POLR3GL: variants seen among roughly 807,000 people sequenced by gnomAD.
The protein encoded by POLR3GL is DNA-directed RNA polymerase III subunit RPC7-like.
Under a neutral mutation model 32.4 loss-of-function variants are expected in POLR3GL, and 26 were observed. The ratio of observed to expected loss-of-function variants is 0.80; its 90% confidence interval spans 0.59 to 1.11. POLR3GL has a LOEUF of 1.11. POLR3GL is among the 50% of genes most tolerant of loss of function. The probability of loss-of-function intolerance (pLI) is 0.00; values close to 1 mark genes in which losing one functional copy is unlikely to be tolerated. For missense variants in POLR3GL, 229 were observed against 280.1 expected (o/e 0.82, Z 1.30); for synonymous variants, 95 against 98.7 (o/e 0.96, Z 0.22).
chr1:145,965,833 T>C (rs1002963907), intron 1 of POLR3GL, among the ~76,000 whole-genome samples: 4 of 152,188 alleles, frequency 2.6e-5, no homozygotes, highest in Non-Finnish European at 2.9e-5. Flanking sequence ...GAGGGAAATA[T>C]GGCTGGGCAC....
At chr1:145,972,721 CAG>C (rs782260919) in intron 1 of POLR3GL, among the ~76,000 whole-genome samples, 22 of 151,846 alleles carry the variant, frequency 1.4e-4, no homozygotes, top group Admixed American at 3.3e-4. Flanking sequence ...TTGTTTGAGA[CAG>C]AGTCTTTACT....
intron 1 of POLR3GL, among the ~76,000 whole-genome samples, chr1:145,965,851 C>T (rs1254486423): frequency 6.6e-6 from 1 of 152,196 alleles, no homozygotes; most frequent in Non-Finnish European, 1.5e-5. Context: ...CACGGTGGCT[C>T]ATGCCTGTAA....
chr1:145,968,617 G>T (rs1003953542), intron 1 of POLR3GL, among the ~76,000 whole-genome samples: 4 of 151,560 alleles, frequency 2.6e-5, no homozygotes, highest in Non-Finnish European at 4.4e-5. Context: ...TGTTGCCCAG[G>T]CTGGAGTGCA....
chr1:145,974,410 G>T (rs1047091014), intron 1 of POLR3GL, among the ~76,000 whole-genome samples: 2 of 152,282 alleles, frequency 1.3e-5, no homozygotes, highest in South Asian at 4.1e-4. Flanking sequence ...CAGCACTTTG[G>T]GAGGCTGAGG....
chr1:145,973,893 G>T (rs1650436063), intron 1 of POLR3GL, among the ~76,000 whole-genome samples: 1 of 147,716 alleles, frequency 6.8e-6, no homozygotes, highest in Admixed American at 6.8e-5. Flanking sequence ...GGTGGCTCAT[G>T]CCTGTAATCC....
Position 145,978,652 on chromosome 1 carries a change from G to A in POLR3GL, c.*205G>A, listed in dbSNP as rs1553763921. ...TATCACCTTTGCTATCTTGGGGAAA[G>A]TGCAAAGGACAAACATCTCAATTGT... On this transcript the variant is annotated 3_prime_UTR_variant, in exon 8 of 8. Coordinates refer to ENST00000369314, the MANE Select transcript of POLR3GL (RefSeq NM_032305.3). 1 of 575,138 alleles carries A rather than the reference G, an allele frequency of 1.7e-6. No individual in the cohort carries two copies. 35.6% of individuals were successfully genotyped at this position (575,138 alleles called of 1,614,324 possible). A position where few individuals can be genotyped will look rare whatever the true frequency, so the allele number is the denominator to read the frequency against.
At chr1:145,977,201 A>G in intron 4 of POLR3GL, 49 bp downstream of exon 4, 1 of 1,496,002 alleles carries the variant, frequency 6.7e-7, no homozygotes, top group Non-Finnish European at 9.3e-7. Context: ...AATGCATGGG[A>G]TGCTTCAAGC....
intron 1 of POLR3GL, among the ~76,000 whole-genome samples, chr1:145,966,483 CAA>C (rs781955120): frequency 0.03 from 1,710 of 57,696 alleles, 30 homozygotes; most frequent in African/African-American, 0.072. Context: ...GAACCTGTCT[CAA>C]AAAAAAAAAA....
At chr1:145,970,023 C>G (rs1198998354) in intron 1 of POLR3GL, among the ~76,000 whole-genome samples, 1 of 151,894 alleles carries the variant, frequency 6.6e-6, no homozygotes, top group South Asian at 2.1e-4. Flanking sequence ...ACATATCCTT[C>G]TATAACAGAT....
chr1:145,978,768 T>C lies in POLR3GL; in HGVS notation c.*321T>C, dbSNP rs1650682603. ...ACCCCTGCCCAATTTATATAGCTCT[T>C]TGTGGAGATAATTAGGGGTGGGAGC... On this transcript the variant is annotated 3_prime_UTR_variant, in exon 8 of 8. Transcript: ENST00000369314. 1.1e-5 allele frequency: 3 copies of C among 262,112 alleles called. No homozygotes were observed. Among genetic ancestry groups the C allele is most frequent in the Non-Finnish European group, 2.2e-5 (3 of 138,072 alleles). 16.2% of individuals were successfully genotyped at this position (262,112 alleles called of 1,614,324 possible). A position where few individuals can be genotyped will look rare whatever the true frequency, so the allele number is the denominator to read the frequency against.
chr1:145,977,677 C>T, intron 5 of POLR3GL, 101 bp from the exon 6 acceptor site: 1 of 1,332,382 alleles, frequency 7.5e-7, no homozygotes, highest in Non-Finnish European at 1.1e-6. Flanking sequence ...GTCATAGTGG[C>T]CACATGAGGG....
chr1:145,964,992 G>A (rs1340011973), intron 1 of POLR3GL, among the ~76,000 whole-genome samples: 1 of 152,166 alleles, frequency 6.6e-6, no homozygotes, highest in Non-Finnish European at 1.5e-5. Context: ...ACAGCCTCTT[G>A]TATCTGTCTT....
In POLR3GL at chr1:145,977,375, C is replaced by T. The variant is rs1053851372; in HGVS notation, c.326-108C>T. ...AGCCACTGAACAACTTTGGCCCAGC[C>T]CCTTCCTTCCTCTCCTTTAAAACCC... is the stretch of plus-strand genomic sequence containing the variant. On this transcript the variant is annotated intron_variant, in intron 4 of 7. Coordinates refer to ENST00000369314, the MANE Select transcript of POLR3GL (RefSeq NM_032305.3). 5 of 1,149,134 alleles carry T rather than the reference C, an allele frequency of 4.4e-6. No individual in the cohort carries two copies. In the East Asian group the frequency reaches 1.2e-4, roughly 28 times the overall value. The allele number at this position is 1,149,134 out of a possible 1,614,324, so 71.2% of individuals were successfully genotyped here. A position where few individuals can be genotyped will look rare whatever the true frequency, so the allele number is the denominator to read the frequency against.
chr1:145,975,426 C>G lies in POLR3GL; in HGVS notation c.246C>G (p.Val82=). 12 of 1,613,724 alleles carry G rather than the reference C, an allele frequency of 7.4e-6. No individual in the cohort carries two copies. Among genetic ancestry groups the G allele is most frequent in the Non-Finnish European group, 1.0e-5 (12 of 1,179,640 alleles). ...TCCCCTACTTCATCCGGCCAGCTGTCCCCAAGAGAGGTCAGTTGGAATGCT... is the reference window on the plus strand; with the variant it reads ...TCCCCTACTTCATCCGGCCAGCTGTGCCCAAGAGAGGTCAGTTGGAATGCT... ...RQLPYFIRPA[V]PKRDVERYSD... The change falls in exon 3 of 8, where the codon GTC becomes GTG. Residue 82 remains valine, a synonymous_variant. Coordinates refer to ENST00000369314, the MANE Select transcript of POLR3GL (RefSeq NM_032305.3).
At chr1:145,975,514 A>G in intron 3 of POLR3GL, 78 bp downstream of exon 3, 1 of 1,525,920 alleles carries the variant, frequency 6.6e-7, no homozygotes, top group Non-Finnish European at 9.0e-7. Flanking sequence ...TGGGGGCCAG[A>G]GGGGCACAGG....
intron 1 of POLR3GL, 34 bp from the exon 2 acceptor site, chr1:145,974,791 C>G (rs1270308436): frequency 2.2e-6 from 3 of 1,359,426 alleles, no homozygotes; most frequent in African/African-American, 1.5e-5. Context: ...CATTCTACTA[C>G]ATTTCTTTTT....
chr1:145,977,407 C>G lies in POLR3GL; in HGVS notation c.326-76C>G, dbSNP rs996097611. On this transcript the variant is annotated intron_variant, in intron 4 of 7. Transcript: ENST00000369314. ...TTCCTCTCCTTTAAAACCCTCACCC[C>G]CCTTTAAAACCAGTCAGTATTCACT... 14 of 1,420,960 alleles carry G rather than the reference C, an allele frequency of 9.9e-6. No homozygotes were observed. In the African/African-American group the frequency reaches 9.9e-5, roughly 10 times the overall value. The allele number at this position is 1,420,960 out of a possible 1,614,324, so 88.0% of individuals were successfully genotyped here.
chr1:145,973,363 G>C (rs908925504), intron 1 of POLR3GL, among the ~76,000 whole-genome samples: 3 of 151,842 alleles, frequency 2.0e-5, no homozygotes, highest in Admixed American at 6.6e-5. Context: ...TACTGTCTTG[G>C]GGGGAGAATG....
intron 5 of POLR3GL, 56 bp from the exon 6 acceptor site, chr1:145,977,722 C>A: frequency 5.2e-6 from 8 of 1,527,010 alleles, no homozygotes; most frequent in Non-Finnish European, 7.3e-6. Context: ...TGAGGATGGG[C>A]TATAAAGCTG....
Sources: allele counts gnomAD v4.1 joint callset (sites outside exome capture counted in the v4.1 genomes callset), GRCh38; gene constraint gnomAD v4.1.1; transcripts MANE v1.5; gene names NCBI Gene and HGNC (gene_info 2026-07-23, HGNC 2026-07-21).